Variants in TLL1 observed in about 807,000 individuals in gnomAD.
The protein encoded by TLL1 is tolloid like 1, also known as tolloid-like protein 1.
Under a neutral mutation model 128.2 loss-of-function variants are expected in TLL1, and 49 were observed. The observed-to-expected ratio is 0.38, with a 90% CI of 0.30 to 0.48. The LOEUF is 0.48. Ranked by LOEUF, TLL1 falls within the 20% of genes least tolerant of loss-of-function variation. The pLI, the probability that TLL1 is intolerant of heterozygous loss-of-function variation, is 0.96. For synonymous variants in TLL1, 454 were observed against 418.8 expected (o/e 1.08, Z -1.03); for missense variants, 1,123 against 1,242.0 (o/e 0.90, Z 1.44).
intron 12 of TLL1, among the ~76,000 whole-genome samples, chr4:166,046,872 T>C (rs1389549843): frequency 6.6e-6 from 1 of 152,212 alleles, no homozygotes; most frequent in Non-Finnish European, 1.5e-5. Context: ...AGCAACTTAA[T>C]AGAATGTAAC....
At chr4:165,916,904 G>A (rs72697333) in intron 1 of TLL1, among the ~76,000 whole-genome samples, 2,161 of 152,140 alleles carry the variant, frequency 0.014, 21 homozygotes, top group Non-Finnish European at 0.023. Flanking sequence ...ATGAAAAAAG[G>A]CATTTTGCAG....
In TLL1 at chr4:166,003,577, G is replaced by A. The variant is rs202208310; in HGVS notation, c.811+8G>A. ...GAGAAAACATCCAGCCAGGTGAGAG[G>A]CATAGAATGTGTTGGGTTTAAGGCT... On this transcript the variant is annotated splice_region_variant and intron_variant, in intron 6 of 20. Coordinates refer to ENST00000061240, the MANE Select transcript of TLL1 (RefSeq NM_012464.5). The A allele has an allele frequency of 1.2e-5, 20 of 1,613,704 alleles. No individual in the cohort carries two copies. Among genetic ancestry groups the A allele is most frequent in the Middle Eastern group, 3.3e-4 (2 of 6,060 alleles).
intron 1 of TLL1, among the ~76,000 whole-genome samples, chr4:165,958,675 G>A (rs1440134481): frequency 2.2e-5 from 3 of 139,352 alleles, no homozygotes; most frequent in Non-Finnish European, 3.1e-5. Flanking sequence ...TGTTCACTCT[G>A]ATGGTAGTTT....
intron 1 of TLL1, among the ~76,000 whole-genome samples, chr4:165,930,827 A>G (rs1733480658): frequency 6.6e-6 from 1 of 152,248 alleles, no homozygotes; most frequent in Admixed American, 6.5e-5. Flanking sequence ...TAATGTCAAA[A>G]GAAACACTTC....
chr4:165,903,270 G>A (rs1455994289), intron 1 of TLL1, among the ~76,000 whole-genome samples: 2 of 152,072 alleles, frequency 1.3e-5, no homozygotes, highest in South Asian at 2.1e-4. Flanking sequence ...CCCAGGAGGT[G>A]GAGGTTGCAG....
intron 1 of TLL1, among the ~76,000 whole-genome samples, chr4:165,884,772 G>A (rs931402339): frequency 5.9e-5 from 9 of 152,162 alleles, no homozygotes; most frequent in African/African-American, 1.7e-4. Flanking sequence ...GGAGGTGGAG[G>A]TTGCAGTGAA....
chr4:166,026,716 C>T (rs1190714426), intron 9 of TLL1, among the ~76,000 whole-genome samples: 2 of 151,020 alleles, frequency 1.3e-5, no homozygotes, highest in Middle Eastern at 3.4e-3. Context: ...AAACAAACCC[C>T]AAGGAAATAG....
rs1330557132 is a variant in TLL1, at chr4:165,995,427, C to CTCA, written c.632+249_632+250insTCA. ...TTTCTAACAATGACATTACCAACAT[C>CTCA]CCACTCACCTGAGCTAGAAACTTCA... is the stretch of plus-strand genomic sequence containing the variant. On this transcript the variant is annotated intron_variant, in intron 5 of 20. Coordinates refer to ENST00000061240, the MANE Select transcript of TLL1 (RefSeq NM_012464.5). Among the ~76,000 whole-genome samples, 4 of 152,206 alleles carry CTCA rather than the reference C, an allele frequency of 2.6e-5. No homozygotes were observed. The East Asian group carries it at 7.7e-4, about 29-fold the overall frequency.
At chr4:165,969,964 T>C (rs1271471237) in intron 1 of TLL1, among the ~76,000 whole-genome samples, 1 of 152,108 alleles carries the variant, frequency 6.6e-6, no homozygotes, top group Non-Finnish European at 1.5e-5. Flanking sequence ...TTTACAGAAA[T>C]TTGTAGTTCC....
intron 1 of TLL1, among the ~76,000 whole-genome samples, chr4:165,945,634 G>T (rs544580130): frequency 6.6e-6 from 1 of 151,938 alleles, no homozygotes; most frequent in Non-Finnish European, 1.5e-5. Flanking sequence ...CAACTAAAAA[G>T]ATTATATAAA....
chr4:166,061,238 CTT>C (rs1204049312), intron 15 of TLL1, among the ~76,000 whole-genome samples: 3 of 143,188 alleles, frequency 2.1e-5, no homozygotes, highest in African/African-American at 7.8e-5. Flanking sequence ...TCCTCCTTTC[CTT>C]TTTTTTTTTT....
At chr4:166,011,142 G>A (rs772773964) in intron 7 of TLL1, among the ~76,000 whole-genome samples, 22 of 151,260 alleles carry the variant, frequency 1.5e-4, no homozygotes, top group Non-Finnish European at 3.1e-4. Flanking sequence ...GCTATTTGGT[G>A]TATCTTGAGA....
chr4:165,957,716 T>A (rs551652277), intron 1 of TLL1, among the ~76,000 whole-genome samples: 2,952 of 143,838 alleles, frequency 0.021, 110 homozygotes, highest in African/African-American at 0.077. Flanking sequence ...TTTTTTTTTT[T>A]AAATTATTAT....
chr4:165,947,372 G>A (rs957739698), intron 1 of TLL1, among the ~76,000 whole-genome samples: 4 of 152,050 alleles, frequency 2.6e-5, no homozygotes, highest in Non-Finnish European at 4.4e-5. Context: ...CTTGGCTGGG[G>A]TCATGGAGGA....
At chr4:165,906,269 A>T (rs1385700202) in intron 1 of TLL1, among the ~76,000 whole-genome samples, 1 of 152,250 alleles carries the variant, frequency 6.6e-6, no homozygotes, top group African/African-American at 2.4e-5. Context: ...AATTAATAAT[A>T]ACAAACACAT....
At chr4:165,925,338 A>G (rs1405517556) in intron 1 of TLL1, among the ~76,000 whole-genome samples, 4 of 152,220 alleles carry the variant, frequency 2.6e-5, no homozygotes, top group Admixed American at 2.6e-4. Context: ...CAACATTAAC[A>G]GGATTTGGAA....
At chr4:165,948,317 A>C (rs1473417668) in intron 1 of TLL1, among the ~76,000 whole-genome samples, 2 of 152,208 alleles carry the variant, frequency 1.3e-5, no homozygotes, top group South Asian at 4.1e-4. Context: ...GTTATACCCA[A>C]TGGATTATTC....
At chr4:166,083,779 G>A (rs573829641) in intron 18 of TLL1, among the ~76,000 whole-genome samples, 3 of 152,062 alleles carry the variant, frequency 2.0e-5, no homozygotes, top group Admixed American at 6.6e-5. Flanking sequence ...TTTGTAATCC[G>A]TTCATCCACT....
At chr4:166,051,299 T>TTTCCTTCCTTCCGTCCTTCCTTCC (rs1739718664) in intron 12 of TLL1, among the ~76,000 whole-genome samples, 1 of 126,420 alleles carries the variant, frequency 7.9e-6, no homozygotes, top group African/African-American at 2.9e-5. Context: ...CCCTCCCTCC[T>TTTCCTTCCTTCCGTCCTTCCTTCC]TTCCTTCCTT....
Sources: gnomAD v4.1 joint callset for allele counts (sites outside exome capture counted in the v4.1 genomes callset) on GRCh38, gnomAD v4.1.1 for gene constraint, MANE v1.5 for transcripts, NCBI Gene and HGNC (gene_info 2026-07-23, HGNC 2026-07-21) for gene names.